Variants in OR52K1 observed in about 807,000 individuals in gnomAD.
OR52K1 encodes the protein olfactory receptor 52K1.
A neutral mutation model predicts 8.7 loss-of-function variants in OR52K1; 10 were observed. The observed-to-expected ratio is 1.15, with a 90% CI of 0.71 to 1.95. OR52K1 has a LOEUF of 1.95. Ranked by LOEUF, OR52K1 falls within the 30% of genes most tolerant of loss-of-function variation. The pLI is 0.00. For missense variants in OR52K1, 431 were observed against 397.2 expected (o/e 1.08, Z -0.72); for synonymous variants, 203 against 148.5 (o/e 1.37, Z -2.67).
At position 4,489,679 on chromosome 11, in the gene OR52K1, C is replaced by T. The variant is rs770537645; in HGVS notation, c.779C>T (p.Ser260Phe). 4 of 1,614,210 alleles carry T rather than the reference C, an allele frequency of 2.5e-6. No homozygotes were observed. Among genetic ancestry groups the T allele is most frequent in the Non-Finnish European group, 3.4e-6 (4 of 1,180,032 alleles). ...TCCACCTACACTCCAGTAGTCATCT[C>T]TTCAGTCATGCACCGTGTAGCCCGC... ...ILSTYTPVVI[S>F]SVMHRVARHA... The change falls in exon 2 of 2, where the codon TCT becomes TTT. Residue 260 changes from serine to phenylalanine, a missense_variant. Physicochemically the swap from Ser to Phe is radical, Grantham distance 155. Transcript: ENST00000641528.
At chr11:4,487,280 A>G (rs1394705047) in intron 1 of OR52K1, among the ~76,000 whole-genome samples, 1 of 152,234 alleles carries the variant, frequency 6.6e-6, no homozygotes, top group Non-Finnish European at 1.5e-5. Context: ...TACAGAAGAG[A>G]AATATAAGTG....
rs1379885148 is a variant in OR52K1, at chr11:4,491,130, G to C, written c.*1285G>C. ...TGTAGTTGTGATAGACTGTATTACT[G>C]TCCACCAATATTTAGTCTCCTGTCC... On this transcript the variant is annotated 3_prime_UTR_variant, in exon 2 of 2. Coordinates refer to ENST00000641528, the MANE Select transcript of OR52K1 (RefSeq NM_001005171.3). 1.3e-5 allele frequency: 2 copies of C among 152,146 alleles called. No homozygotes were observed. Among genetic ancestry groups the C allele is most frequent in the African/African-American group, 2.4e-5 (1 of 41,428 alleles). The allele number at this position is 152,146 out of a possible 1,614,324, so 9.4% of individuals were successfully genotyped here.
intron 1 of OR52K1, among the ~76,000 whole-genome samples, chr11:4,487,156 A>G (rs936303483): frequency 6.6e-6 from 1 of 152,224 alleles, no homozygotes; most frequent in Admixed American, 6.5e-5. Context: ...TTGAGATTGT[A>G]GACCTTTCTA....
At position 4,489,708 on chromosome 11, in the gene OR52K1, G is replaced by A. The variant is rs1564832890; in HGVS notation, c.808G>A (p.Ala270Thr). ...AGTCATGCACCGTGTAGCCCGCCAT[G>A]CTGCCCCTCGTGTCCACATACTCCT... is the stretch of plus-strand genomic sequence containing the variant. ...SSVMHRVARH[A>T]APRVHILLAI... Residue 270 changes from alanine to threonine, a missense_variant, in exon 2 of 2, where the codon GCT (alanine) becomes ACT (threonine). Coordinates refer to ENST00000641528, the MANE Select transcript of OR52K1 (RefSeq NM_001005171.3). The A allele has an allele frequency of 1.2e-6, 2 of 1,614,208 alleles. No individual in the cohort carries two copies. The highest frequency in any genetic ancestry group is 1.7e-6 in the Non-Finnish European group (2 of 1,180,042).
Position 4,489,028 on chromosome 11 carries a change from G to T in OR52K1, c.128G>T (p.Gly43Val), listed in dbSNP as rs142595009. 2.5e-6 allele frequency: 4 copies of T among 1,614,030 alleles called. No individual in the cohort carries two copies. Among genetic ancestry groups the T allele is most frequent in the Non-Finnish European group, 3.4e-6 (4 of 1,179,944 alleles). ...TTTGCTTATACTCTGGCCCTGCTAG[G>T]CAACTGTACCCTTCTCTTCATTATC... ...FCFAYTLALLGNCTLLFIIQA... is the reference protein window; with the variant it reads ...FCFAYTLALLVNCTLLFIIQA... Residue 43 changes from glycine to valine, a missense_variant, in exon 2 of 2, where the codon GGC becomes GTC. By Grantham distance (109) the Gly-to-Val change is moderately radical. Transcript: ENST00000641528.
intron 1 of OR52K1, among the ~76,000 whole-genome samples, chr11:4,484,833 GACACACAC>G (rs57428088): frequency 9.7e-5 from 11 of 113,674 alleles, no homozygotes; most frequent in East Asian, 5.8e-4. Context: ...AAAACACACA[GACACACAC>G]ACACACACAC....
At chr11:4,484,833 GACACACACACAC>G (rs57428088) in intron 1 of OR52K1, among the ~76,000 whole-genome samples, 13 of 113,674 alleles carry the variant, frequency 1.1e-4, no homozygotes, top group South Asian at 3.6e-4. Flanking sequence ...AAAACACACA[GACACACACACAC>G]ACACACACAC....
At chr11:4,484,861 C>CAT (rs1055241226) in intron 1 of OR52K1, among the ~76,000 whole-genome samples, 2 of 151,564 alleles carry the variant, frequency 1.3e-5, no homozygotes, top group Non-Finnish European at 2.9e-5. Flanking sequence ...CACACACACA[C>CAT]ACACACACAG....
In OR52K1 at chr11:4,482,774, T is replaced by G. The variant is rs1057499294; in HGVS notation, c.-731T>G. 1.0e-5 allele frequency: 2 copies of G among 198,346 alleles called. No homozygotes were observed. Among genetic ancestry groups the G allele is most frequent in the Non-Finnish European group, 2.0e-5 (2 of 98,940 alleles). The allele number at this position is 198,346 out of a possible 1,614,324, so 12.3% of individuals were successfully genotyped here. Reference sequence around the variant, plus strand: ...GGAAATAGAAAACAAGTGATGTTATTGGGGTGAGCAGGAAGGTGGGAGTGA... The same window carrying G: ...GGAAATAGAAAACAAGTGATGTTATGGGGGTGAGCAGGAAGGTGGGAGTGA... On this transcript the variant is annotated 5_prime_UTR_variant, in exon 1 of 2. In the 5' UTR this introduces an upstream ATG that the reference lacks. Transcript: ENST00000641528.
intron 1 of OR52K1, among the ~76,000 whole-genome samples, chr11:4,486,189 T>C (rs1846319564): frequency 6.6e-6 from 1 of 152,198 alleles, no homozygotes; most frequent in South Asian, 2.1e-4. Context: ...AGGGATCTCA[T>C]TGTGTTATTC....
rs183886091 is a variant in OR52K1 at position 4,490,135 on chromosome 11, A to G, written c.*290A>G. The G allele has an allele frequency of 3.0e-6, 1 of 332,682 alleles. No individual in the cohort carries two copies. 20.6% of individuals were successfully genotyped at this position (332,682 alleles called of 1,614,324 possible). ...TATTGTAATCTGGGTGAAAGACAGT[A>G]GGACCTTTATTGGCTGAGATTGGCC... On this transcript the variant is annotated 3_prime_UTR_variant, in exon 2 of 2. Transcript: ENST00000641528.
chr11:4,489,946 A>G lies in OR52K1; in HGVS notation c.*101A>G, dbSNP rs1421082810. 1.2e-6 allele frequency: 1 copy of G among 823,254 alleles called. No individual in the cohort carries two copies. The highest frequency in any genetic ancestry group is 1.7e-5 in the African/African-American group (1 of 58,268). The allele number at this position is 823,254 out of a possible 1,614,324, so 51.0% of individuals were successfully genotyped here. ...ATAGGAAAATTGCAGAGTATCTTTGACAATTCTCTAGTATGATAAGGAAAA... is the reference window on the plus strand; with the variant it reads ...ATAGGAAAATTGCAGAGTATCTTTGGCAATTCTCTAGTATGATAAGGAAAA... On this transcript the variant is annotated 3_prime_UTR_variant, in exon 2 of 2. Transcript: ENST00000641528.
At chr11:4,483,199 G>A (rs1034979627) in intron 1 of OR52K1, 23 bp downstream of exon 1, 1 of 398,450 alleles carries the variant, frequency 2.5e-6, no homozygotes, top group Admixed American at 4.4e-5. Flanking sequence ...TTATCTTTGA[G>A]GTTCTTCTAC....
At chr11:4,485,403 TATCTC>T (rs1177412553) in intron 1 of OR52K1, among the ~76,000 whole-genome samples, 1 of 152,182 alleles carries the variant, frequency 6.6e-6, no homozygotes, top group Non-Finnish European at 1.5e-5. Flanking sequence ...GAATTTCTGA[TATCTC>T]AAACTCACCA....
At chr11:4,485,372 T>A (rs1846313591) in intron 1 of OR52K1, among the ~76,000 whole-genome samples, 1 of 152,214 alleles carries the variant, frequency 6.6e-6, no homozygotes, top group Non-Finnish European at 1.5e-5. Flanking sequence ...TTATTTTCTA[T>A]ACGTATTACC....
Position 4,484,764 on chromosome 11 carries a change from C to T in OR52K1, c.-329+1588C>T, listed in dbSNP as rs1275775095. ...GTATTCTCTTTCTTCGTCTAAGTTT[C>T]AACTTTTCCCCTACTACTGGATAAT... is the stretch of plus-strand genomic sequence containing the variant. On this transcript the variant is annotated intron_variant, in intron 1 of 1. Coordinates refer to ENST00000641528, the MANE Select transcript of OR52K1 (RefSeq NM_001005171.3). Among the ~76,000 whole-genome samples, 5 of 151,344 alleles carry T rather than the reference C, an allele frequency of 3.3e-5. No homozygotes were observed. The East Asian group carries it at 9.7e-4, about 29-fold the overall frequency.
rs376395151 is a variant in OR52K1 at position 4,489,127 on chromosome 11, C to G, written c.227C>G (p.Ser76Cys). Reference sequence around the variant, plus strand: ...TTGGCAACCATTGACTTGGTTCTTTCTTCTACAACGCTGCCCAAAATGCTT... The same window carrying G: ...TTGGCAACCATTGACTTGGTTCTTTGTTCTACAACGCTGCCCAAAATGCTT... ...AMLATIDLVL[S>C]STTLPKMLAI... Residue 76 changes from serine (S) to cysteine (C), a missense_variant, in exon 2 of 2, where the codon TCT (serine) becomes TGT (cysteine). Ser to Cys is a moderately radical substitution (Grantham distance 112). Transcript: ENST00000641528. The G allele has an allele frequency of 1.7e-5, 27 of 1,614,212 alleles. No homozygotes were observed. In the African/African-American group the frequency reaches 3.2e-4, roughly 19 times the overall value.
Position 4,489,226 on chromosome 11 carries a change from TCTC to T in OR52K1, c.328_330del (p.Ser110del), listed in dbSNP as rs746485765. 13 of 1,614,134 alleles carry T rather than the reference TCTC, an allele frequency of 8.1e-6. No individual in the cohort carries two copies. In the South Asian group the frequency reaches 1.1e-4, roughly 14 times the overall value. On this transcript the variant is annotated inframe_deletion, in exon 2 of 2. Transcript: ENST00000641528. Reference sequence around the variant, plus strand: ...GTCCAGATGTTCTTCCTTCACTCCTTCTCCATCATGGAGTCAGCAGTGCTGCTG... The same window carrying T: ...GTCCAGATGTTCTTCCTTCACTCCTTCATCATGGAGTCAGCAGTGCTGCTG...
chr11:4,490,032 G>A lies in OR52K1; in HGVS notation c.*187G>A. 1.7e-6 allele frequency: 1 copy of A among 589,060 alleles called. No individual in the cohort carries two copies. The highest frequency in any genetic ancestry group is 3.0e-6 in the Non-Finnish European group (1 of 332,578). The allele number at this position is 589,060 out of a possible 1,614,324, so 36.5% of individuals were successfully genotyped here. ...CAAACCAGGAGTGCACCTATAGTCT[G>A]GTCTGATAGTAGAGGTTTGACCTTC... On this transcript the variant is annotated 3_prime_UTR_variant, in exon 2 of 2. Transcript: ENST00000641528.
Sources: gnomAD v4.1 joint callset for allele counts (sites outside exome capture counted in the v4.1 genomes callset) on GRCh38, gnomAD v4.1.1 for gene constraint, MANE v1.5 for transcripts, NCBI Gene and HGNC (gene_info 2026-07-23, HGNC 2026-07-21) for gene names.